NRXN3: variants seen among roughly 807,000 people sequenced by gnomAD.
NRXN3 encodes neurexin III.
Under a neutral mutation model 137.6 loss-of-function variants are expected in NRXN3, and 32 were observed. That is an observed-to-expected ratio of 0.23 (90% CI 0.18 to 0.31). The LOEUF is 0.31. Among genes scored for constraint, NRXN3 ranks in the 10% least tolerant of loss-of-function variants. NRXN3 has a pLI of 1.00. For synonymous variants in NRXN3, 798 were observed against 784.5 expected (o/e 1.02, Z -0.29); for missense variants, 1,574 against 2,062.5 (o/e 0.76, Z 4.59).
At chr14:79,210,315 A>G (rs906684874) in intron 15 of NRXN3, among the ~76,000 whole-genome samples, 5 of 152,208 alleles carry the variant, frequency 3.3e-5, no homozygotes, top group African/African-American at 1.2e-4. Flanking sequence ...TTTCACTAGG[A>G]CAGATATGTT....
chr14:78,785,425 T>G (rs898674343), intron 8 of NRXN3, among the ~76,000 whole-genome samples: 28 of 152,214 alleles, frequency 1.8e-4, no homozygotes, highest in Admixed American at 1.7e-3. Flanking sequence ...TTCTAAGTTT[T>G]AGCAATATTT....
intron 20 of NRXN3, among the ~76,000 whole-genome samples, chr14:79,846,816 A>G (rs1369936904): frequency 6.6e-6 from 1 of 152,160 alleles, no homozygotes; most frequent in African/African-American, 2.4e-5. Context: ...TTTCCTACCA[A>G]CTAGAATACT....
intron 18 of NRXN3, among the ~76,000 whole-genome samples, chr14:79,694,542 T>G (rs1001198263): frequency 6.6e-6 from 1 of 151,972 alleles, no homozygotes; most frequent in Non-Finnish European, 1.5e-5. Flanking sequence ...TATGTTTTTA[T>G]GTACATATAA....
At chr14:78,872,300 A>AAC (rs1257133684) in intron 10 of NRXN3, among the ~76,000 whole-genome samples, 5 of 147,964 alleles carry the variant, frequency 3.4e-5, no homozygotes, top group Admixed American at 2.0e-4. Context: ...TACATATTTT[A>AAC]ATATATATAT....
intron 16 of NRXN3, among the ~76,000 whole-genome samples, chr14:79,600,384 C>T (rs1045473921): frequency 1.3e-5 from 2 of 152,176 alleles, no homozygotes; most frequent in African/African-American, 4.8e-5. Flanking sequence ...ATCCCTAAAG[C>T]CCACATGTAT....
intron 1 of NRXN3, among the ~76,000 whole-genome samples, chr14:78,186,000 T>C (rs565284438): frequency 2.6e-5 from 4 of 152,236 alleles, no homozygotes; most frequent in Non-Finnish European, 5.9e-5. Flanking sequence ...TTTGTGGTAA[T>C]AGAACTCCAG....
Position 79,513,404 on chromosome 14 carries a change from C to T in NRXN3, c.3444+46002C>T, listed in dbSNP as rs2096951907. Reference sequence around the variant, plus strand: ...CAAGGACATTTCACCACCCACTAAACCACCCTTTGCCATGAGCTCCCAGGA... The same window carrying T: ...CAAGGACATTTCACCACCCACTAAATCACCCTTTGCCATGAGCTCCCAGGA... On this transcript the variant is annotated intron_variant, in intron 16 of 20. Transcript: ENST00000335750. 4.6e-5 allele frequency among the ~76,000 whole-genome samples: 7 copies of T among 152,314 alleles called. No homozygotes were observed. In the South Asian group the frequency reaches 1.4e-3, roughly 32 times the overall value.
intron 14 of NRXN3, among the ~76,000 whole-genome samples, chr14:78,975,226 A>G (rs1416430148): frequency 6.6e-6 from 1 of 152,224 alleles, no homozygotes; most frequent in African/African-American, 2.4e-5. Context: ...GCGTCCTGCC[A>G]TGTGAGCATG....
intron 19 of NRXN3, among the ~76,000 whole-genome samples, chr14:79,719,305 ATGTG>A (rs1318976595): frequency 2.7e-5 from 4 of 146,294 alleles, no homozygotes; most frequent in African/African-American, 1.0e-4. Context: ...GTGTATATGT[ATGTG>A]TATGTATACA....
chr14:79,192,901 G>A (rs2064601049), intron 15 of NRXN3, among the ~76,000 whole-genome samples: 1 of 150,676 alleles, frequency 6.6e-6, no homozygotes, highest in Admixed American at 6.7e-5. Context: ...CTCCTGAGTA[G>A]CTGGGAGTAC....
chr14:78,875,880 A>G (rs1460294809), intron 10 of NRXN3, among the ~76,000 whole-genome samples: 1 of 152,138 alleles, frequency 6.6e-6, no homozygotes, highest in Admixed American at 6.5e-5. Context: ...GAACGATAGG[A>G]TTTCACACTT....
intron 4 of NRXN3, among the ~76,000 whole-genome samples, chr14:78,623,367 CT>C (rs2097424308): frequency 6.6e-6 from 1 of 152,068 alleles, no homozygotes; most frequent in African/African-American, 2.4e-5. Flanking sequence ...GTGAAAAATT[CT>C]TTTTGGCCAC....
intron 1 of NRXN3, among the ~76,000 whole-genome samples, chr14:78,207,636 C>T (rs986733212): frequency 5.3e-5 from 8 of 152,228 alleles, no homozygotes; most frequent in Non-Finnish European, 1.2e-4. Context: ...GAGTGGGTAG[C>T]ATCTCCATCT....
At chr14:79,725,554 G>A (rs1170045873) in intron 19 of NRXN3, among the ~76,000 whole-genome samples, 1 of 152,122 alleles carries the variant, frequency 6.6e-6, no homozygotes, top group Non-Finnish European at 1.5e-5. Context: ...AAATGTGGAA[G>A]TTGGGCCGGG....
At chr14:78,295,946 A>G (rs1169719526) in intron 3 of NRXN3, among the ~76,000 whole-genome samples, 1 of 151,420 alleles carries the variant, frequency 6.6e-6, no homozygotes, top group African/African-American at 2.4e-5. Context: ...GCTGCCAAAC[A>G]TCTTTAATCT....
At chr14:78,488,822 A>G (rs1189491422) in intron 4 of NRXN3, among the ~76,000 whole-genome samples, 7 of 145,774 alleles carry the variant, frequency 4.8e-5, no homozygotes, top group Non-Finnish European at 1.1e-4. Flanking sequence ...GGAGGAGAGG[A>G]GAAGAAATGA....
chr14:78,203,262 C>T (rs1271722566), intron 1 of NRXN3, among the ~76,000 whole-genome samples: 1 of 152,176 alleles, frequency 6.6e-6, no homozygotes, highest in Non-Finnish European at 1.5e-5. Context: ...CCCCCAACCC[C>T]CATGTGAGAT....
At chr14:79,333,717 T>C (rs2091990066) in intron 15 of NRXN3, among the ~76,000 whole-genome samples, 1 of 151,552 alleles carries the variant, frequency 6.6e-6, no homozygotes, top group African/African-American at 2.4e-5. Flanking sequence ...GTGTAGATGC[T>C]GAAATTGCTA....
chr14:79,016,003 C>A (rs57121695), intron 15 of NRXN3, among the ~76,000 whole-genome samples: 16,367 of 152,072 alleles, frequency 0.11, 2,681 homozygotes, highest in African/African-American at 0.35. Flanking sequence ...CTGAAAGGGC[C>A]GTTTTTCTTG....
Sources: allele counts gnomAD v4.1 joint callset (sites outside exome capture counted in the v4.1 genomes callset), GRCh38; gene constraint gnomAD v4.1.1; transcripts MANE v1.5; gene names NCBI Gene and HGNC (gene_info 2026-07-23, HGNC 2026-07-21).